DCDC1: variants seen among roughly 807,000 people sequenced by gnomAD.
DCDC1 encodes the protein doublecortin domain-containing protein 1.
DCDC1 carries 200 observed loss-of-function variants against 178.3 expected under a neutral mutation model. The ratio of observed to expected loss-of-function variants is 1.12; its 90% CI spans 1.00 to 1.26. The LOEUF is 1.26. Among genes scored for constraint, DCDC1 ranks in the 50% most tolerant of loss-of-function variants. The pLI, the probability that DCDC1 is intolerant of heterozygous loss-of-function variation, is 0.00. For synonymous variants in DCDC1, 690 were observed against 604.8 expected (o/e 1.14, Z -2.07); for missense variants, 1,983 against 1,749.2 (o/e 1.13, Z -2.38).
chr11:31,171,955 AAAGGAG>A (rs1233685274), intron 9 of DCDC1, among the ~76,000 whole-genome samples: 1 of 152,198 alleles, frequency 6.6e-6, no homozygotes, highest in Non-Finnish European at 1.5e-5. Flanking sequence ...ATGATCTCTC[AAAGGAG>A]TTATTCTTCT....
At chr11:31,204,753 C>T (rs979030040) in intron 9 of DCDC1, among the ~76,000 whole-genome samples, 4 of 152,110 alleles carry the variant, frequency 2.6e-5, no homozygotes, top group Non-Finnish European at 5.9e-5. Flanking sequence ...ACTCAGGAGG[C>T]GGAGGTTGCA....
At chr11:31,208,509 T>C (rs1972123776) in intron 9 of DCDC1, among the ~76,000 whole-genome samples, 1 of 152,204 alleles carries the variant, frequency 6.6e-6, no homozygotes, top group South Asian at 2.1e-4. Flanking sequence ...TCTCCGCTCA[T>C]CCTACAATGC....
At chr11:31,012,490 C>T (rs1466931043) in intron 20 of DCDC1, among the ~76,000 whole-genome samples, 3 of 151,710 alleles carry the variant, frequency 2.0e-5, no homozygotes, top group African/African-American at 7.2e-5. Context: ...CCTGTAGTTC[C>T]AGCTACTCTG....
intron 8 of DCDC1, among the ~76,000 whole-genome samples, chr11:31,251,274 T>C (rs1432926551): frequency 6.6e-6 from 1 of 152,218 alleles, no homozygotes; most frequent in Non-Finnish European, 1.5e-5. Flanking sequence ...CCATCTATAA[T>C]GCCTACTTTT....
chr11:30,919,233 C>G, intron 25 of DCDC1, among the ~76,000 whole-genome samples: 1 of 151,906 alleles, frequency 6.6e-6, no homozygotes. Flanking sequence ...GGGCATAGTA[C>G]AGAGAAACAT....
At chr11:31,099,469 A>G (rs1333784675) in intron 15 of DCDC1, among the ~76,000 whole-genome samples, 1 of 152,162 alleles carries the variant, frequency 6.6e-6, no homozygotes, top group Non-Finnish European at 1.5e-5. Flanking sequence ...TCCCCAATAG[A>G]GCCTACCATT....
intron 7 of DCDC1, among the ~76,000 whole-genome samples, chr11:31,281,669 T>A (rs1327549450): frequency 6.6e-6 from 1 of 152,086 alleles, no homozygotes; most frequent in East Asian, 1.9e-4. Context: ...GGGAGATAAT[T>A]GAATCATGGG....
rs537234213 is a variant in DCDC1, at chr11:31,368,815, A to G, written c.-125+882T>C. 9.2e-5 allele frequency among the ~76,000 whole-genome samples: 14 copies of G among 152,330 alleles called. No homozygotes were observed. The East Asian group carries it at 2.7e-3, about 29-fold the overall frequency. ...GAAATTTATGTCATGCTGGCCAAAA[A>G]TAAGATGTAGTTTTCATCTCCAGGT... On this transcript the variant is annotated intron_variant, in intron 1 of 38. Coordinates refer to ENST00000684477, the MANE Select transcript of DCDC1 (RefSeq NM_001387274.1).
chr11:31,306,416 G>T, intron 4 of DCDC1, 28 bp from the exon 5 acceptor site: 2 of 1,570,580 alleles, frequency 1.3e-6, no homozygotes, highest in South Asian at 2.4e-5. Flanking sequence ...CAGAAAAATT[G>T]ATGCATGCTA....
chr11:30,934,617 G>A (rs138832675), intron 21 of DCDC1, among the ~76,000 whole-genome samples: 1 of 152,142 alleles, frequency 6.6e-6, no homozygotes, highest in Admixed American at 6.6e-5. Context: ...CCTCTGCAAC[G>A]TGGGAAAGAG....
At chr11:30,871,879 T>A (rs957189745) in intron 38 of DCDC1, among the ~76,000 whole-genome samples, 4 of 149,030 alleles carry the variant, frequency 2.7e-5, no homozygotes, top group Admixed American at 6.7e-5. Context: ...TATACATATG[T>A]ATACATATAT....
chr11:31,181,352 T>C (rs1968774793), intron 9 of DCDC1, among the ~76,000 whole-genome samples: 1 of 152,180 alleles, frequency 6.6e-6, no homozygotes, highest in Non-Finnish European at 1.5e-5. Flanking sequence ...CCCAACACAG[T>C]GCTTGAGCTC....
At chr11:31,285,144 A>G (rs1396682790) in intron 7 of DCDC1, among the ~76,000 whole-genome samples, 1 of 151,988 alleles carries the variant, frequency 6.6e-6, no homozygotes, top group Non-Finnish European at 1.5e-5. Context: ...AAATAACTCA[A>G]TTATATATAG....
chr11:31,091,668 G>A (rs574213921), intron 16 of DCDC1, among the ~76,000 whole-genome samples, 157 bp from the exon 17 acceptor site: 4 of 152,224 alleles, frequency 2.6e-5, no homozygotes, highest in South Asian at 2.1e-4. Context: ...AGCAGTCAGC[G>A]AGCCCTGCTC....
intron 20 of DCDC1, among the ~76,000 whole-genome samples, chr11:31,014,786 T>A (rs1290146346): frequency 6.6e-6 from 1 of 152,150 alleles, no homozygotes; most frequent in Non-Finnish European, 1.5e-5. Context: ...TTTAGTTGTA[T>A]CCAAGCACTA....
At chr11:31,085,708 T>C (rs1957432173) in intron 17 of DCDC1, among the ~76,000 whole-genome samples, 1 of 151,870 alleles carries the variant, frequency 6.6e-6, no homozygotes, top group African/African-American at 2.4e-5. Context: ...CATTGATTGA[T>C]TGATTGATTG....
At chr11:31,027,292 T>C (rs1359694462) in intron 20 of DCDC1, among the ~76,000 whole-genome samples, 1 of 151,876 alleles carries the variant, frequency 6.6e-6, no homozygotes, top group Non-Finnish European at 1.5e-5. Flanking sequence ...AATATTCATG[T>C]TGCCTAAATT....
intron 9 of DCDC1, among the ~76,000 whole-genome samples, chr11:31,185,702 C>A (rs1239835782): frequency 6.6e-6 from 1 of 152,124 alleles, no homozygotes; most frequent in African/African-American, 2.4e-5. Flanking sequence ...TATCCCACAC[C>A]AAGTTTTGTT....
chr11:31,038,108 T>C (rs1954199467), intron 20 of DCDC1, among the ~76,000 whole-genome samples: 1 of 148,936 alleles, frequency 6.7e-6, no homozygotes, highest in Non-Finnish European at 1.5e-5. Context: ...TTAGGAGATA[T>C]TCCTAATGTA....
Sources: gnomAD v4.1 joint callset for allele counts (sites outside exome capture counted in the v4.1 genomes callset) on GRCh38, gnomAD v4.1.1 for gene constraint, MANE v1.5 for transcripts, NCBI Gene and HGNC (gene_info 2026-07-23, HGNC 2026-07-21) for gene names.